The following PGM1 variants were observed in gnomAD, a reference collection of about 807,000 sequenced individuals.
PGM1 encodes phosphoglucomutase 1, also known as phosphoglucomutase-1.
PGM1 carries 52 observed loss-of-function variants against 55.6 expected under a neutral mutation model. The observed-to-expected ratio is 0.94, with a 90% CI of 0.75 to 1.18. The LOEUF is 1.18. Among genes scored for constraint, PGM1 ranks in the 50% most tolerant of loss-of-function variants. The pLI is 0.00. For synonymous variants in PGM1, 287 were observed against 271.7 expected (o/e 1.06, Z -0.55); for missense variants, 724 against 729.3 (o/e 0.99, Z 0.08).
At chr1:63,629,182 C>G (rs1255163278) in intron 1 of PGM1, among the ~76,000 whole-genome samples, 2 of 152,186 alleles carry the variant, frequency 1.3e-5, no homozygotes, top group Non-Finnish European at 1.5e-5. Context: ...ACAGACCACA[C>G]ACTTCTAAAA....
At chr1:63,642,317 C>T (rs1047139584) in intron 7 of PGM1, among the ~76,000 whole-genome samples, 1 of 152,178 alleles carries the variant, frequency 6.6e-6, no homozygotes, top group Non-Finnish European at 1.5e-5. Flanking sequence ...GGAGCAGCAG[C>T]TTTCTCACCT....
At chr1:63,650,277 G>A (rs1214454332) in intron 8 of PGM1, among the ~76,000 whole-genome samples, 4 of 152,262 alleles carry the variant, frequency 2.6e-5, no homozygotes, top group Non-Finnish European at 4.4e-5. Context: ...AGGGCAGCTG[G>A]CCCTGTAGTC....
At chr1:63,618,792 G>A in intron 1 of PGM1, among the ~76,000 whole-genome samples, 1 of 152,168 alleles carries the variant, frequency 6.6e-6, no homozygotes, top group East Asian at 1.9e-4. Flanking sequence ...GGATTCTCCA[G>A]TGGCTTGTGT....
At position 63,638,513 on chromosome 1, in the gene PGM1, C is replaced by G. The variant is rs1405448194; in HGVS notation, c.1029-172C>G. 3.3e-5 allele frequency among the ~76,000 whole-genome samples: 5 copies of G among 152,098 alleles called. No homozygotes were observed. The South Asian group carries it at 1.0e-3, about 32-fold the overall frequency. On this transcript the variant is annotated intron_variant, in intron 6 of 10. Coordinates refer to ENST00000371084, the MANE Select transcript of PGM1 (RefSeq NM_002633.3). ...CTTCTCTGAATCCACATATAATAGC[C>G]CATTGTGCACAAGGTTTCTCTTATG... is the stretch of plus-strand genomic sequence containing the variant.
rs79202871 is a variant in PGM1 at position 63,638,874 on chromosome 1, T to C, written c.1144+74T>C. 5.0e-3 allele frequency: 5,225 copies of C among 1,051,306 alleles called. 157 individuals are homozygous for C. In the African/African-American group the frequency reaches 0.072, roughly 14 times the overall value. The allele number at this position is 1,051,306 out of a possible 1,614,324, so 65.1% of individuals were successfully genotyped here. ...CCAGTAAAAGCTTAGACTGCTAAGGTAGCACTGAAATACCAACGGTAGCCG... is the reference window on the plus strand; with the variant it reads ...CCAGTAAAAGCTTAGACTGCTAAGGCAGCACTGAAATACCAACGGTAGCCG... On this transcript the variant is annotated intron_variant, in intron 7 of 10. Transcript: ENST00000371084.
rs11557104 is a variant in PGM1 at position 63,660,081 on chromosome 1, T to C, written c.*406T>C. The C allele has an allele frequency of 0.013, 3,590 of 271,808 alleles. 38 individuals are homozygous for C. The highest frequency in any genetic ancestry group is 0.019 in the Non-Finnish European group (2,578 of 136,640). The allele number at this position is 271,808 out of a possible 1,614,324, so 16.8% of individuals were successfully genotyped here. On this transcript the variant is annotated 3_prime_UTR_variant, in exon 11 of 11. Coordinates refer to ENST00000371084, the MANE Select transcript of PGM1 (RefSeq NM_002633.3). ...TCTCTTTTGTGAATCTTTCCCCCCA[T>C]TTCCTGTTTACATGTAACCCAACAA... is the stretch of plus-strand genomic sequence containing the variant.
intron 1 of PGM1, among the ~76,000 whole-genome samples, chr1:63,597,622 C>G (rs1648118180): frequency 6.6e-6 from 1 of 152,144 alleles, no homozygotes; most frequent in African/African-American, 2.4e-5. Flanking sequence ...TTGGATTACT[C>G]CAAGTGAAAA....
chr1:63,659,584 A>G lies in PGM1; in HGVS notation c.1600-2A>G, dbSNP rs1321714522. On this transcript the variant is annotated splice_acceptor_variant, in intron 10 of 10. Transcript: ENST00000371084. LOFTEE classifies it high-confidence loss of function. ...AAAAGCTTCTCTCTATGTCTTCCTC[A>G]GGTCATGTTGGCCCCCCTTATTTCC... The G allele has an allele frequency of 1.9e-6, 3 of 1,612,776 alleles. No individual in the cohort carries two copies. The highest frequency in any genetic ancestry group is 1.1e-5 in the South Asian group (1 of 91,042).
At chr1:63,648,328 A>G (rs1649708079) in intron 7 of PGM1, among the ~76,000 whole-genome samples, 189 bp from the exon 8 acceptor site, 1 of 152,126 alleles carries the variant, frequency 6.6e-6, no homozygotes, top group South Asian at 2.1e-4. Flanking sequence ...ACCAGATCTC[A>G]TGAGAACTCA....
intron 1 of PGM1, among the ~76,000 whole-genome samples, chr1:63,609,186 A>G (rs1309246839): frequency 6.6e-6 from 1 of 152,022 alleles, no homozygotes; most frequent in East Asian, 1.9e-4. Flanking sequence ...CCACAGGCCC[A>G]TCAATCTGAG....
chr1:63,594,970 A>AAAAAG (rs1553177035), intron 1 of PGM1, among the ~76,000 whole-genome samples: 3 of 148,744 alleles, frequency 2.0e-5, no homozygotes, highest in African/African-American at 7.3e-5. Flanking sequence ...CAAAAAAAAA[A>AAAAAG]AAAAAGAAAA....
At chr1:63,602,669 G>A (rs2100958204) in intron 1 of PGM1, among the ~76,000 whole-genome samples, 1 of 152,194 alleles carries the variant, frequency 6.6e-6, no homozygotes, top group South Asian at 2.1e-4. Flanking sequence ...GAGTCCGGAG[G>A]GCTTAATCTG....
chr1:63,639,052 C>T (rs768819054), intron 7 of PGM1, among the ~76,000 whole-genome samples: 4 of 152,074 alleles, frequency 2.6e-5, no homozygotes, highest in African/African-American at 7.2e-5. Context: ...TCCTCAGCAG[C>T]GTGGTCATTG....
intron 1 of PGM1, among the ~76,000 whole-genome samples, chr1:63,605,205 T>A (rs143594878): frequency 4.3e-4 from 65 of 152,222 alleles, no homozygotes; most frequent in African/African-American, 1.4e-3. Flanking sequence ...CTGTACAGCT[T>A]ATGTAACCTG....
rs751457975 is a variant in PGM1 at position 63,651,761 on chromosome 1, A to G, written c.1373A>G (p.Gln458Arg). 2 of 1,613,836 alleles carry G rather than the reference A, an allele frequency of 1.2e-6. No individual in the cohort carries two copies. ...LMFDRSFVGK[Q>R]FSANDKVYTV... The stretch of plus-strand genomic sequence containing the variant: ...TTTGATCGCTCCTTTGTGGGGAAGC[A>G]GTTCTCAGCAAATGACAAAGTTTAC... The change falls in exon 9 of 11, where the codon CAG (glutamine) becomes CGG (arginine). Residue 458 changes from glutamine to arginine, a missense_variant. Gln to Arg is a conservative substitution (Grantham distance 43, BLOSUM62 1). This residue lies in a region of PGM1 where 316 missense variants were observed against 313.1 expected (regional missense o/e 1.01). Transcript: ENST00000371084.
chr1:63,607,759 G>T (rs1286844812), intron 1 of PGM1, among the ~76,000 whole-genome samples: 1 of 152,188 alleles, frequency 6.6e-6, no homozygotes, highest in Non-Finnish European at 1.5e-5. Context: ...GCACTCCAGT[G>T]ATGCGTGTAG....
At chr1:63,640,281 G>T (rs1313860505) in intron 7 of PGM1, among the ~76,000 whole-genome samples, 2 of 152,144 alleles carry the variant, frequency 1.3e-5, no homozygotes, top group African/African-American at 2.4e-5. Context: ...CTAGTGAAAA[G>T]ATAAAAGTCT....
In PGM1 at chr1:63,659,059, C is replaced by T. The variant is rs575689228; in HGVS notation, c.1600-527C>T. The stretch of plus-strand genomic sequence containing the variant: ...CCACCCCCATGATTCAATCATCTCC[C>T]ACCGGGTCCCTCCCACAACACTTGG... On this transcript the variant is annotated intron_variant, in intron 10 of 10. Transcript: ENST00000371084. 5.3e-5 allele frequency among the ~76,000 whole-genome samples: 8 copies of T among 152,304 alleles called. No individual in the cohort carries two copies. The South Asian group carries it at 1.7e-3, about 32-fold the overall frequency.
At chr1:63,611,100 T>C (rs568087196) in intron 1 of PGM1, among the ~76,000 whole-genome samples, 1 of 152,310 alleles carries the variant, frequency 6.6e-6, no homozygotes. Flanking sequence ...ATTTGGGGCA[T>C]GCAGTAGTGC....
Sources: allele counts gnomAD v4.1 joint callset (sites outside exome capture counted in the v4.1 genomes callset), GRCh38; gene constraint gnomAD v4.1.1; regional missense constraint gnomAD v4.1.1; transcripts MANE v1.5; gene names NCBI Gene and HGNC (gene_info 2026-07-23, HGNC 2026-07-21).